The following EXOC6B variants were observed in gnomAD, a reference collection of about 807,000 sequenced individuals.
EXOC6B encodes the protein exocyst complex component 6B.
Under a neutral mutation model 113.5 loss-of-function variants are expected in EXOC6B, and 54 were observed. The observed-to-expected ratio is 0.48, with a 90% CI of 0.38 to 0.60. The LOEUF (loss-of-function observed/expected upper bound fraction) is 0.60. Ranked by LOEUF, EXOC6B falls within the 20% of genes least tolerant of loss-of-function variation. The pLI is 0.00. For missense variants in EXOC6B, 797 were observed against 977.5 expected (o/e 0.82, Z 2.46); for synonymous variants, 357 against 339.0 (o/e 1.05, Z -0.58).
At chr2:72,397,617 C>CAAAAAAAAAA (rs1229846045) in intron 18 of EXOC6B, among the ~76,000 whole-genome samples, 1 of 93,412 alleles carries the variant, frequency 1.1e-5, no homozygotes, top group Non-Finnish European at 1.9e-5. Flanking sequence ...AACCTCATCT[C>CAAAAAAAAAA]AAAAAAAAAA....
At chr2:72,754,860 C>T (rs1682308144) in intron 1 of EXOC6B, among the ~76,000 whole-genome samples, 1 of 152,060 alleles carries the variant, frequency 6.6e-6, no homozygotes, top group African/African-American at 2.4e-5. Flanking sequence ...CTCAAGCGAT[C>T]CTCCCACCTT....
At chr2:72,188,969 C>A (rs1032699586) in intron 20 of EXOC6B, among the ~76,000 whole-genome samples, 1 of 152,164 alleles carries the variant, frequency 6.6e-6, no homozygotes, top group African/African-American at 2.4e-5. Context: ...TGAGTTTCTT[C>A]AAAGTAAACT....
At chr2:72,435,105 G>T (rs1430277067) in intron 18 of EXOC6B, among the ~76,000 whole-genome samples, 1 of 152,084 alleles carries the variant, frequency 6.6e-6, no homozygotes, top group Non-Finnish European at 1.5e-5. Context: ...GGTACGTTGT[G>T]TCTTTGTTCT....
At chr2:72,587,784 G>C (rs1401692384) in intron 6 of EXOC6B, among the ~76,000 whole-genome samples, 12 of 151,542 alleles carry the variant, frequency 7.9e-5, no homozygotes, top group Non-Finnish European at 1.3e-4. Flanking sequence ...TCTGATAAGG[G>C]ATTAATACCC....
intron 20 of EXOC6B, among the ~76,000 whole-genome samples, chr2:72,198,037 C>T (rs1679277320): frequency 6.6e-6 from 1 of 152,170 alleles, no homozygotes; most frequent in South Asian, 2.1e-4. Context: ...CTCACATTCC[C>T]AGAGCGTTCT....
intron 19 of EXOC6B, among the ~76,000 whole-genome samples, chr2:72,346,900 A>G (rs894512223): frequency 1.3e-5 from 2 of 152,188 alleles, no homozygotes; most frequent in African/African-American, 4.8e-5. Flanking sequence ...TTGGGATCCC[A>G]AGATGAAAGG....
At chr2:72,183,615 A>G (rs1678229646) in intron 21 of EXOC6B, among the ~76,000 whole-genome samples, 1 of 152,150 alleles carries the variant, frequency 6.6e-6, no homozygotes, top group African/African-American at 2.4e-5. Context: ...TGAAGGTTTC[A>G]ATAATTCTAA....
intron 7 of EXOC6B, among the ~76,000 whole-genome samples, chr2:72,568,020 T>C (rs541363438): frequency 1.3e-5 from 2 of 152,068 alleles, no homozygotes; most frequent in African/African-American, 4.8e-5. Flanking sequence ...CATGGTCTAA[T>C]GTATTACTAA....
At chr2:72,513,060 T>C (rs1451129140) in intron 11 of EXOC6B, 72 bp downstream of exon 11, 2 of 1,546,314 alleles carry the variant, frequency 1.3e-6, no homozygotes. Flanking sequence ...TATGTTGATT[T>C]TAAAGCAGTA....
At chr2:72,478,902 C>A (rs1448762966) in intron 17 of EXOC6B, among the ~76,000 whole-genome samples, 1 of 152,144 alleles carries the variant, frequency 6.6e-6, no homozygotes, top group Non-Finnish European at 1.5e-5. Context: ...GAAATTTTGG[C>A]TTTCACAGAA....
rs1159794341 is a variant in EXOC6B, at chr2:72,708,896, AT to A, written c.669+9206del. Among the ~76,000 whole-genome samples the A allele has an allele frequency of 6.7e-3, 469 of 69,736 alleles. 1 individual carries two copies. The highest frequency in any genetic ancestry group is 0.015 in the African/African-American group (268 of 17,678). The allele number at this position is 69,736 out of a possible 152,430, so 45.7% of individuals were successfully genotyped here. ...AGGCTTGTGCCACCACATCCAGCTAATTTTTTTTTTTTTTTTTTTTTTTTTT... is the reference window on the plus strand; with the variant it reads ...AGGCTTGTGCCACCACATCCAGCTAATTTTTTTTTTTTTTTTTTTTTTTTT... On this transcript the variant is annotated intron_variant, in intron 6 of 21. Coordinates refer to ENST00000272427, the MANE Select transcript of EXOC6B (RefSeq NM_015189.3).
rs1020985553 is a variant in EXOC6B at position 72,218,443 on chromosome 2, T to C, written c.2197-34256A>G. 4.6e-5 allele frequency among the ~76,000 whole-genome samples: 7 copies of C among 152,340 alleles called. No homozygotes were observed. In the South Asian group the frequency reaches 1.4e-3, roughly 32 times the overall value. On this transcript the variant is annotated intron_variant, in intron 20 of 21. Transcript: ENST00000272427. ...CATAATATGTGTGTGTGTGCATGTG[T>C]GCATATGTATATGTATGTATTTATA... is the stretch of plus-strand genomic sequence containing the variant.
intron 1 of EXOC6B, among the ~76,000 whole-genome samples, chr2:72,745,826 A>G (rs958319494): frequency 3.9e-5 from 6 of 152,182 alleles, no homozygotes; most frequent in African/African-American, 1.4e-4. Flanking sequence ...AAGGCTAAAA[A>G]CAAAAATAAA....
intron 8 of EXOC6B, chr2:72,515,760 T>C (rs757998507): frequency 1.2e-4 from 116 of 982,638 alleles, no homozygotes; most frequent in Non-Finnish European, 1.3e-4. Context: ...TGAATAGTGG[T>C]TTCTCCAAAT....
intron 6 of EXOC6B, among the ~76,000 whole-genome samples, chr2:72,717,134 T>C (rs1679670339): frequency 6.6e-6 from 1 of 152,118 alleles, no homozygotes; most frequent in African/African-American, 2.4e-5. Context: ...ACTGACAAAA[T>C]TTAAAGGAAG....
intron 6 of EXOC6B, among the ~76,000 whole-genome samples, chr2:72,582,522 T>C (rs1031310897): frequency 2.8e-5 from 4 of 140,768 alleles, no homozygotes; most frequent in Admixed American, 7.8e-5. Context: ...GTCTCCAAAA[T>C]AGAAAAGAAG....
In EXOC6B at chr2:72,304,063, T is replaced by G. The variant is rs1160474185; in HGVS notation, c.2196+30884A>C. On this transcript the variant is annotated intron_variant, in intron 20 of 21. Coordinates refer to ENST00000272427, the MANE Select transcript of EXOC6B (RefSeq NM_015189.3). Reference sequence around the variant, plus strand: ...TGGGGGAGGTTTCTCTGTCTCTGTGTCACTCCCAGGTGGGCGTTTATCCTG... The same window carrying G: ...TGGGGGAGGTTTCTCTGTCTCTGTGGCACTCCCAGGTGGGCGTTTATCCTG... 2.0e-5 allele frequency among the ~76,000 whole-genome samples: 3 copies of G among 152,350 alleles called. No individual in the cohort carries two copies. The East Asian group carries it at 5.8e-4, about 29-fold the overall frequency.
chr2:72,794,876 A>C (rs956272857), intron 1 of EXOC6B, among the ~76,000 whole-genome samples: 5 of 152,222 alleles, frequency 3.3e-5, no homozygotes, highest in Non-Finnish European at 5.9e-5. Context: ...GATTACTAGG[A>C]TTCTATCCAG....
intron 20 of EXOC6B, among the ~76,000 whole-genome samples, chr2:72,243,551 C>A (rs1336259437): frequency 6.6e-6 from 1 of 152,098 alleles, no homozygotes; most frequent in East Asian, 1.9e-4. Context: ...AATGAGAACA[C>A]CTGGACACAG....
Sources: allele counts gnomAD v4.1 joint callset (sites outside exome capture counted in the v4.1 genomes callset), GRCh38; gene constraint gnomAD v4.1.1; transcripts MANE v1.5; gene names NCBI Gene and HGNC (gene_info 2026-07-23, HGNC 2026-07-21).